The following NOBOX variants were observed in gnomAD, a reference collection of about 807,000 sequenced individuals.
NOBOX encodes NOBOX oogenesis homeobox.
Under a neutral mutation model 60.2 loss-of-function variants are expected in NOBOX, and 46 were observed. The ratio of observed to expected loss-of-function variants is 0.76; its 90% CI spans 0.60 to 0.98. The LOEUF (loss-of-function observed/expected upper bound fraction) is 0.98, where lower values mean the gene tolerates loss of function less well. Among genes scored for constraint, NOBOX ranks in the 50% least tolerant of loss-of-function variants. NOBOX has a pLI of 0.00. For synonymous variants in NOBOX, 360 were observed against 346.3 expected (o/e 1.04, Z -0.44); for missense variants, 880 against 865.5 (o/e 1.02, Z -0.21).
chr7:144,403,323 C>G (rs1054341692), intron 2 of NOBOX, among the ~76,000 whole-genome samples: 1 of 152,142 alleles, frequency 6.6e-6, no homozygotes, highest in African/African-American at 2.4e-5. Context: ...TCCGTAAGCA[C>G]GTGTCCTATG....
intron 1 of NOBOX, among the ~76,000 whole-genome samples, chr7:144,407,500 C>T (rs979451721): frequency 6.6e-6 from 1 of 152,186 alleles, no homozygotes; most frequent in African/African-American, 2.4e-5. Flanking sequence ...ATGACCTGTC[C>T]AAAGCAGAGA....
At chr7:144,403,852 C>T (rs1205913804) in intron 2 of NOBOX, among the ~76,000 whole-genome samples, 159 bp from the exon 1 acceptor site, 1 of 151,782 alleles carries the variant, frequency 6.6e-6, no homozygotes. Context: ...ACCCCCAGGG[C>T]GAGGCCGGCC....
intron 4 of NOBOX, 50 bp downstream of exon 2, chr7:144,400,996 T>C (rs765514010): frequency 7.0e-7 from 1 of 1,422,374 alleles, no homozygotes; most frequent in Admixed American, 2.4e-5. Flanking sequence ...GCCCCACCTT[T>C]CCCCAGGATG....
At chr7:144,396,913 C>G (rs535253820), downstream of NOBOX, among the ~76,000 whole-genome samples, 1 of 152,042 alleles carries the variant, frequency 6.6e-6, no homozygotes, top group Non-Finnish European at 1.5e-5. Context: ...AACCGCAGGA[C>G]GGACTAGTTT....
At chr7:144,408,918 G>A (rs1008008310) in intron 1 of NOBOX, among the ~76,000 whole-genome samples, 2 of 152,176 alleles carry the variant, frequency 1.3e-5, no homozygotes, top group African/African-American at 4.8e-5. Context: ...ACACACCAGT[G>A]CATGAAAACT....
intron 2 of NOBOX, 25 bp downstream of exon 1, chr7:144,403,632 C>T (rs1201819574): frequency 2.3e-5 from 16 of 698,922 alleles, no homozygotes; most frequent in Non-Finnish European, 3.1e-5. Flanking sequence ...CTGACCCCCT[C>T]GCACGACGGG....
chr7:144,400,644 T>TC (rs1338014781), intron 4 of NOBOX, among the ~76,000 whole-genome samples: 4 of 152,200 alleles, frequency 2.6e-5, no homozygotes, highest in Non-Finnish European at 5.9e-5. Context: ...TTCAAGCAAT[T>TC]CCCCTGCTTC....
Position 144,401,696 on chromosome 7 carries a change from A to T in NOBOX, c.293-99T>A. The stretch of plus-strand genomic sequence containing the variant: ...CCTGCTTTGCAAACGGTTTGATCTT[A>T]AGCTTTAATTTGTCTACCTATCAAA... On this transcript the variant is annotated intron_variant, in intron 3 of 9. Coordinates refer to ENST00000467773, the MANE Select transcript of NOBOX (RefSeq NM_001080413.3). This position sits in a 1 kb window ranked among gnomAD's most constrained non-coding sequence, Gnocchi z 4.2. 7.9e-7 allele frequency: 1 copy of T among 1,266,232 alleles called. No homozygotes were observed. The highest frequency in any genetic ancestry group is 1.1e-6 in the Non-Finnish European group (1 of 928,984). 78.4% of individuals were successfully genotyped at this position (1,266,232 alleles called of 1,614,324 possible). A position where few individuals can be genotyped will look rare whatever the true frequency, so the allele number is the denominator to read the frequency against.
Position 144,399,417 on chromosome 7 carries a change from G to C in NOBOX, c.1220C>G (p.Ser407Cys), listed in dbSNP as rs2053920151. 1.3e-6 allele frequency: 2 copies of C among 1,585,728 alleles called. No individual in the cohort carries two copies. The highest frequency in any genetic ancestry group is 1.8e-5 in the Admixed American group (1 of 55,532). Residue 407 changes from serine (S) to cysteine (C), a missense_variant, in exon 7 of 10, where the codon TCC becomes TGC. Coordinates refer to ENST00000467773, the MANE Select transcript of NOBOX (RefSeq NM_001080413.3). Reference sequence around the variant, plus strand: ...CTCACCTGGAAAGGTATCCAGAGGGGACTCCTGAGGGAAAGGGTCAGGCTT... The same window carrying C: ...CTCACCTGGAAAGGTATCCAGAGGGCACTCCTGAGGGAAAGGGTCAGGCTT...
At chr7:144,397,562 G>C in intron 9 of NOBOX, 21 bp from the exon 8 acceptor site, 1 of 1,490,312 alleles carries the variant, frequency 6.7e-7, no homozygotes, top group Non-Finnish European at 8.9e-7. Flanking sequence ...GGAGGGTGTA[G>C]GAATTACCAG....
At chr7:144,399,272 C>T in intron 7 of NOBOX, 94 bp from the exon 6 acceptor site, 2 of 940,500 alleles carry the variant, frequency 2.1e-6, no homozygotes, top group Non-Finnish European at 3.3e-6. Context: ...TGCCCAGGTC[C>T]CCCTGAATAG....
In NOBOX at chr7:144,398,301, T is replaced by A. The variant is rs774643676; in HGVS notation, c.1755A>T (p.Gln585His). 3.3e-6 allele frequency: 5 copies of A among 1,537,260 alleles called. No individual in the cohort carries two copies. The South Asian group carries it at 5.9e-5, about 18-fold the overall frequency. The stretch of plus-strand genomic sequence containing the variant: ...ACTCACCTATATTCCCAGCAGGTGG[T>A]TGCATCAGGATCTGTCCTGAGGAGG... The change falls in exon 9 of 10, where the codon CAA becomes CAT. Residue 585 changes from glutamine to histidine, a missense_variant. By Grantham distance (24) the Gln-to-His change is conservative. Transcript: ENST00000467773.
At chr7:144,398,671 G>A (rs907518250) in intron 8 of NOBOX, 85 bp from the exon 7 acceptor site, 21 of 963,582 alleles carry the variant, frequency 2.2e-5, no homozygotes, top group Middle Eastern at 3.2e-4. Flanking sequence ...CCTACCTCTC[G>A]CCTCCTCCTC....
Position 144,408,145 on chromosome 7 carries a change from C to G in NOBOX, c.85+1998G>C, listed in dbSNP as rs369450375. On this transcript the variant is annotated intron_variant, in intron 1 of 9. Transcript: ENST00000467773. ...CCCTGCCCTGCCCCAAAGTCTCCCC[C>G]ACTCTTCCAGGTTTTTGTTCCAAGC... Among the ~76,000 whole-genome samples the G allele has an allele frequency of 2.0e-4, 31 of 152,288 alleles. No individual in the cohort carries two copies. The East Asian group carries it at 3.3e-3, about 16-fold the overall frequency.
At chr7:144,410,090 G>T in intron 1 of NOBOX, 2 of 1,168,904 alleles carry the variant, frequency 1.7e-6, no homozygotes, top group Non-Finnish European at 2.5e-6. Context: ...TCTGTCTTCT[G>T]TTCAGAGTGT....
Position 144,399,869 on chromosome 7 carries a change from G to T in NOBOX, c.1048-6C>A, listed in dbSNP as rs764455340. 1.9e-6 allele frequency: 3 copies of T among 1,603,048 alleles called. No individual in the cohort carries two copies. The highest frequency in any genetic ancestry group is 8.5e-7 in the Non-Finnish European group (1 of 1,171,092). ...CGGCGATTCTGGAACCACACCTATGGGGGGAAAGGTGCTTGAAGAACTGGA... is the reference window on the plus strand; with the variant it reads ...CGGCGATTCTGGAACCACACCTATGTGGGGAAAGGTGCTTGAAGAACTGGA... On this transcript the variant is annotated splice_region_variant and splice_polypyrimidine_tract_variant and intron_variant, in intron 5 of 9. Coordinates refer to ENST00000467773, the MANE Select transcript of NOBOX (RefSeq NM_001080413.3).
At chr7:144,405,589 A>G (rs369364087) in intron 1 of NOBOX, among the ~76,000 whole-genome samples, 3 of 152,196 alleles carry the variant, frequency 2.0e-5, no homozygotes, top group African/African-American at 7.2e-5. Flanking sequence ...AAAACCTGAC[A>G]GTGACCCCTG....
At chr7:144,404,496 G>A (rs772247190) in intron 2 of NOBOX, 19 of 1,455,326 alleles carry the variant, frequency 1.3e-5, no homozygotes, top group East Asian at 2.4e-5. Flanking sequence ...TTATCTGCCC[G>A]CCTGGGCTTC....
At chr7:144,397,159 C>T (rs1231556435), downstream of NOBOX, 13 of 1,289,664 alleles carry the variant, frequency 1.0e-5, no homozygotes, top group Middle Eastern at 2.3e-4. Flanking sequence ...ACACTCTTTC[C>T]CAAACCCCCA....
Sources: gnomAD v4.1 joint callset for allele counts (sites outside exome capture counted in the v4.1 genomes callset) on GRCh38, gnomAD v4.1.1 for gene constraint, Gnocchi (gnomAD v3.1) non-coding constraint, MANE v1.5 for transcripts, NCBI Gene and HGNC (gene_info 2026-07-23, HGNC 2026-07-21) for gene names.